The following ELL variants were observed in gnomAD, a reference collection of about 807,000 sequenced individuals.
The protein encoded by ELL is RNA polymerase II elongation factor ELL.
Under a neutral mutation model 64.0 loss-of-function variants are expected in ELL, and 18 were observed. The observed-to-expected ratio is 0.28, with a 90% CI of 0.19 to 0.42. ELL has a LOEUF of 0.42. Among genes scored for constraint, ELL ranks in the 10% least tolerant of loss-of-function variants. ELL has a pLI of 1.00. For synonymous variants in ELL, 399 were observed against 376.2 expected, an observed-to-expected ratio of 1.06 and a Z score of -0.70; for missense variants, 797 against 870.4, an observed-to-expected ratio of 0.92 and a Z score of 1.06.
chr19:18,496,514 G>A (rs960856582), intron 1 of ELL, among the ~76,000 whole-genome samples: 7 of 146,410 alleles, frequency 4.8e-5, no homozygotes, highest in Non-Finnish European at 8.9e-5. Flanking sequence ...ACCAGGTCAA[G>A]TGCAGGTAAC....
At chr19:18,444,941 T>TC (rs553500324) in intron 11 of ELL, 73 bp from the exon 12 acceptor site, 25 of 1,501,898 alleles carry the variant, frequency 1.7e-5, no homozygotes, top group Admixed American at 5.9e-5. Context: ...CAGGCCAGTG[T>TC]CCCCCCCAAA....
chr19:18,450,650 G>A lies in ELL; in HGVS notation c.1292C>T (p.Thr431Met), dbSNP rs370308532. The A allele has an allele frequency of 1.1e-5, 18 of 1,600,508 alleles. No individual in the cohort carries two copies. Among genetic ancestry groups the A allele is most frequent in the African/African-American group, 2.7e-5 (2 of 74,780 alleles). Residue 431 changes from threonine to methionine, a missense_variant, in exon 8 of 12, where the codon ACG becomes ATG. Physicochemically the swap from Thr to Met is moderately conservative, Grantham distance 81. Transcript: ENST00000262809. Reference protein sequence around the residue: ...PTVRLGLPLLTDCAQPSRPHG... With the variant: ...PTVRLGLPLLMDCAQPSRPHG... ...TGGCCTGCTGGGCTGGGCACAGTCC[G>A]TCAGCAGGGGCAGGCCGAGGCGCAC...
intron 1 of ELL, among the ~76,000 whole-genome samples, chr19:18,510,903 C>T (rs1976006536): frequency 6.6e-6 from 1 of 152,096 alleles, no homozygotes; most frequent in East Asian, 1.9e-4. Flanking sequence ...GGACAGATAA[C>T]CTGAGGTCAG....
chr19:18,470,197 T>C (rs950750352), intron 2 of ELL, among the ~76,000 whole-genome samples: 1 of 152,240 alleles, frequency 6.6e-6, no homozygotes, highest in Non-Finnish European at 1.5e-5. Flanking sequence ...TCTCAGTGAC[T>C]TGGGCCCCTG....
intron 1 of ELL, among the ~76,000 whole-genome samples, chr19:18,502,485 AC>A (rs960664031): frequency 6.6e-5 from 10 of 152,144 alleles, no homozygotes; most frequent in African/African-American, 2.4e-4. Flanking sequence ...GCCAGCGGGC[AC>A]CCCCACCACC....
At chr19:18,513,271 G>T (rs549280873) in intron 1 of ELL, among the ~76,000 whole-genome samples, 1 of 152,154 alleles carries the variant, frequency 6.6e-6, no homozygotes, top group Admixed American at 6.5e-5. Flanking sequence ...GCCTCACTAC[G>T]GGACAGTGGA....
At chr19:18,451,179 G>C (rs1294450854) in intron 7 of ELL, among the ~76,000 whole-genome samples, 8 of 152,222 alleles carry the variant, frequency 5.3e-5, no homozygotes, top group Admixed American at 5.2e-4. Context: ...ATCGATGCAG[G>C]GGGAGGGCAG....
chr19:18,442,822 A>G lies in ELL; in HGVS notation c.*1930T>C, dbSNP rs1312592166. The G allele has an allele frequency of 9.2e-6, 2 of 216,990 alleles. No homozygotes were observed. Among genetic ancestry groups the G allele is most frequent in the African/African-American group, 4.5e-5 (2 of 44,288 alleles). 13.4% of individuals were successfully genotyped at this position (216,990 alleles called of 1,614,324 possible). A position where few individuals can be genotyped will look rare whatever the true frequency, so the allele number is the denominator to read the frequency against. On this transcript the variant is annotated 3_prime_UTR_variant, in exon 12 of 12. Transcript: ENST00000262809. ...TTTGGCAAAAGTGGAAAGTTCTTGT[A>G]AACACCAACCCCATGGCTCAAAATA...
At chr19:18,496,541 T>A (rs1446602830) in intron 1 of ELL, among the ~76,000 whole-genome samples, 2 of 147,500 alleles carry the variant, frequency 1.4e-5, no homozygotes, top group African/African-American at 2.6e-5. Context: ...TTTTTTTTTT[T>A]ACCTTATTAG....
intron 1 of ELL, among the ~76,000 whole-genome samples, chr19:18,499,330 T>C (rs1975731648): frequency 6.6e-6 from 1 of 152,170 alleles, no homozygotes; most frequent in Admixed American, 6.6e-5. Context: ...GTAAGACACT[T>C]AACCTCTCTG....
chr19:18,496,556 A>C (rs553867777), intron 1 of ELL, among the ~76,000 whole-genome samples: 13 of 151,996 alleles, frequency 8.6e-5, no homozygotes, highest in Admixed American at 7.2e-4. Context: ...TATTAGAAAC[A>C]TATAGTTTGG....
In ELL at chr19:18,443,258, C is replaced by T. The variant is rs925567869; in HGVS notation, c.*1494G>A. 5.2e-5 allele frequency: 12 copies of T among 232,888 alleles called. No individual in the cohort carries two copies. Among genetic ancestry groups the T allele is most frequent in the Non-Finnish European group, 7.6e-5 (9 of 117,738 alleles). 14.4% of individuals were successfully genotyped at this position (232,888 alleles called of 1,614,324 possible). ...TATTGAAACATGAAGGATCAGTTTCCTCGGAGCTCTGGGAACCCGGGGGTC... is the reference window on the plus strand; with the variant it reads ...TATTGAAACATGAAGGATCAGTTTCTTCGGAGCTCTGGGAACCCGGGGGTC... On this transcript the variant is annotated 3_prime_UTR_variant, in exon 12 of 12. Coordinates refer to ENST00000262809, the MANE Select transcript of ELL (RefSeq NM_006532.4).
At chr19:18,466,944 G>A (rs1974950690) in intron 2 of ELL, among the ~76,000 whole-genome samples, 1 of 152,204 alleles carries the variant, frequency 6.6e-6, no homozygotes, top group African/African-American at 2.4e-5. Flanking sequence ...CCCCTGCTGA[G>A]CTGCCTCATA....
chr19:18,497,815 C>CAA (rs58521941), intron 1 of ELL, among the ~76,000 whole-genome samples: 896 of 53,812 alleles, frequency 0.017, 29 homozygotes, highest in African/African-American at 0.031. Flanking sequence ...GATCTCATCT[C>CAA]AAAAAAAAAA....
At chr19:18,490,285 G>C (rs1343584381) in intron 1 of ELL, among the ~76,000 whole-genome samples, 1 of 151,782 alleles carries the variant, frequency 6.6e-6, no homozygotes. Context: ...GCCGGCTGGA[G>C]ACTTTGCCAC....
Position 18,456,183 on chromosome 19 carries a change from G to A in ELL, c.869+2022C>T, listed in dbSNP as rs148552590. ...GAGCAGTTTGAGGTGGTGTGCAGTA[G>A]GATAGGCCTTTCCACTACCACACAC... On this transcript the variant is annotated intron_variant, in intron 6 of 11. Transcript: ENST00000262809. 8.3e-3 allele frequency among the ~76,000 whole-genome samples: 1,258 copies of A among 152,260 alleles called. 18 individuals carry two copies. The highest frequency in any genetic ancestry group is 0.029 in the African/African-American group (1,212 of 41,544).
intron 1 of ELL, among the ~76,000 whole-genome samples, chr19:18,510,105 C>T (rs939398326): frequency 2.6e-5 from 4 of 152,204 alleles, no homozygotes; most frequent in African/African-American, 7.2e-5. Flanking sequence ...CGATGGCTCA[C>T]GCCTGTAATC....
chr19:18,485,242 A>C (rs1445442508), intron 1 of ELL, among the ~76,000 whole-genome samples: 3 of 152,110 alleles, frequency 2.0e-5, no homozygotes, highest in African/African-American at 7.2e-5. Flanking sequence ...TCCTCTCCCC[A>C]GGAGGCCCCT....
rs1159210621 is a variant in ELL, at chr19:18,449,131, C to G, written c.1465+1346G>C. On this transcript the variant is annotated intron_variant, in intron 8 of 11. Transcript: ENST00000262809. This position sits in a 1 kb window ranked among gnomAD's most constrained non-coding sequence, Gnocchi z 4.4. ...GGCCGGGGATGAACTGCCTAGGGGC[C>G]AACACGCACCAGGCCAGACAGGAAA... 6.6e-6 allele frequency among the ~76,000 whole-genome samples: 1 copy of G among 152,088 alleles called. No individual in the cohort carries two copies. The highest frequency in any genetic ancestry group is 1.5e-5 in the Non-Finnish European group (1 of 67,986).
Sources: allele counts gnomAD v4.1 joint callset (sites outside exome capture counted in the v4.1 genomes callset), GRCh38; gene constraint gnomAD v4.1.1; non-coding constraint Gnocchi (gnomAD v3.1); transcripts MANE v1.5; gene names NCBI Gene and HGNC (gene_info 2026-07-23, HGNC 2026-07-21).